Variants in TMTC2 observed in about 807,000 individuals in gnomAD.
TMTC2 encodes the protein transmembrane O-mannosyltransferase targeting cadherins 2.
A neutral mutation model predicts 82.4 loss-of-function variants in TMTC2; 43 were observed. That is an observed-to-expected ratio of 0.52 (90% CI 0.41 to 0.67). TMTC2 has a LOEUF of 0.67. Among genes scored for constraint, TMTC2 ranks in the 30% least tolerant of loss-of-function variants. The probability of loss-of-function intolerance (pLI) is 0.00; values close to 1 mark genes in which losing one functional copy is unlikely to be tolerated. For synonymous variants in TMTC2, 408 were observed against 381.9 expected (o/e 1.07, Z -0.80); for missense variants, 919 against 1,012.4 (o/e 0.91, Z 1.25).
At position 82,687,352 on chromosome 12, in the gene TMTC2, T is replaced by G; in HGVS notation, c.-235T>G. 5.4e-5 allele frequency: 29 copies of G among 534,308 alleles called. No individual in the cohort carries two copies. The highest frequency in any genetic ancestry group is 1.3e-4 in the East Asian group (4 of 30,154). The allele number at this position is 534,308 out of a possible 1,614,324, so 33.1% of individuals were successfully genotyped here. ...GCTCACCGCTTGCGGGCGCCGGGCATGGGGAGTGTGGTGTGAGCCCGCACC... is the reference window on the plus strand; with the variant it reads ...GCTCACCGCTTGCGGGCGCCGGGCAGGGGGAGTGTGGTGTGAGCCCGCACC... On this transcript the variant is annotated 5_prime_UTR_variant, in exon 1 of 12. The change abolishes an upstream ATG in the 5' untranslated region. Coordinates refer to ENST00000321196, the MANE Select transcript of TMTC2 (RefSeq NM_152588.3).
chr12:82,781,702 GTT>G (rs1251785252), intron 1 of TMTC2, among the ~76,000 whole-genome samples: 15 of 126,180 alleles, frequency 1.2e-4, no homozygotes, highest in East Asian at 4.6e-4. Context: ...TATTATTATT[GTT>G]TTTTTTTTTT....
chr12:83,084,834 G>A (rs1883596726), intron 11 of TMTC2, among the ~76,000 whole-genome samples: 1 of 152,186 alleles, frequency 6.6e-6, no homozygotes, highest in Admixed American at 6.5e-5. Flanking sequence ...CAGTGATTTT[G>A]TGTCAACCAT....
intron 1 of TMTC2, among the ~76,000 whole-genome samples, chr12:82,798,378 T>A (rs1159588716): frequency 6.8e-6 from 1 of 147,086 alleles, no homozygotes; most frequent in African/African-American, 2.5e-5. Flanking sequence ...GCGCCTGTAG[T>A]CCCAGCTACT....
chr12:82,845,445 C>A (rs1180212752), intron 1 of TMTC2, among the ~76,000 whole-genome samples: 1 of 151,470 alleles, frequency 6.6e-6, no homozygotes, highest in African/African-American at 2.4e-5. Context: ...AACAAATGGA[C>A]TAAAGTGGTT....
chr12:82,880,304 T>C (rs1325134670), intron 2 of TMTC2, among the ~76,000 whole-genome samples: 1 of 152,244 alleles, frequency 6.6e-6, no homozygotes, highest in East Asian at 1.9e-4. Context: ...CTGTAATTTT[T>C]ATTACTATCT....
intron 1 of TMTC2, among the ~76,000 whole-genome samples, chr12:82,744,628 A>G (rs942863388): frequency 1.3e-5 from 2 of 151,726 alleles, no homozygotes; most frequent in Non-Finnish European, 2.9e-5. Flanking sequence ...ACAGGGACAC[A>G]TCTGCCAGTT....
rs528076999 is a variant in TMTC2, at chr12:83,004,722, A to AT, written c.2070+18721dup. 4.2e-3 allele frequency among the ~76,000 whole-genome samples: 152 copies of AT among 36,030 alleles called. 43 individuals carry two copies. The highest frequency in any genetic ancestry group is 5.6e-3 in the Non-Finnish European group (107 of 18,962). 23.6% of individuals were successfully genotyped at this position (36,030 alleles called of 152,430 possible). A position where few individuals can be genotyped will look rare whatever the true frequency, so the allele number is the denominator to read the frequency against. ...TTCACAGGCAGTGTATACTGGCCGA[A>AT]TTTTTTTTTTTTTTTTTTTTTTTTT... On this transcript the variant is annotated intron_variant, in intron 8 of 11. Coordinates refer to ENST00000321196, the MANE Select transcript of TMTC2 (RefSeq NM_152588.3).
At chr12:83,114,308 A>G (rs1193023699) in intron 11 of TMTC2, among the ~76,000 whole-genome samples, 1 of 152,078 alleles carries the variant, frequency 6.6e-6, no homozygotes, top group African/African-American at 2.4e-5. Flanking sequence ...CTCTGCCTGC[A>G]CACACCAAGG....
intron 1 of TMTC2, among the ~76,000 whole-genome samples, chr12:82,782,584 C>T (rs1877960654): frequency 6.6e-6 from 1 of 152,158 alleles, no homozygotes; most frequent in African/African-American, 2.4e-5. Flanking sequence ...AGTCAAAGAT[C>T]TCACTCATGA....
In TMTC2 at chr12:82,911,220, G is replaced by T. The variant is rs1190250573; in HGVS notation, c.1483+14574G>T. Among the ~76,000 whole-genome samples the T allele has an allele frequency of 2.0e-5, 3 of 152,142 alleles. No individual in the cohort carries two copies. The South Asian group carries it at 6.2e-4, about 32-fold the overall frequency. Reference sequence around the variant, plus strand: ...CAGCCCCAGGGTTTGGGTGTGGGGGGGCCAGGGTGGTCTTGGAAAATGCAA... The same window carrying T: ...CAGCCCCAGGGTTTGGGTGTGGGGGTGCCAGGGTGGTCTTGGAAAATGCAA... On this transcript the variant is annotated intron_variant, in intron 3 of 11. Transcript: ENST00000321196.
At chr12:82,876,130 A>ATGGTGGTGG (rs575160141) in intron 2 of TMTC2, among the ~76,000 whole-genome samples, 2,465 of 111,306 alleles carry the variant, frequency 0.022, 23 homozygotes, top group Non-Finnish European at 0.035. Flanking sequence ...GGTATTAGTA[A>ATGGTGGTGG]TGGTGGTGGT....
chr12:82,974,282 A>T (rs1299558440), intron 7 of TMTC2, among the ~76,000 whole-genome samples: 1 of 152,238 alleles, frequency 6.6e-6, no homozygotes, highest in Non-Finnish European at 1.5e-5. Flanking sequence ...TATGTATTGT[A>T]ATCTTTAATT....
chr12:82,922,042 G>C (rs1052313763), intron 3 of TMTC2, among the ~76,000 whole-genome samples: 1 of 152,078 alleles, frequency 6.6e-6, no homozygotes, highest in African/African-American at 2.4e-5. Context: ...AAGAGGTTGA[G>C]GCTGCACTGA....
intron 1 of TMTC2, among the ~76,000 whole-genome samples, chr12:82,837,435 C>T (rs138432637): frequency 2.0e-4 from 30 of 152,236 alleles, no homozygotes; most frequent in African/African-American, 7.2e-4. Context: ...TAATGAGACC[C>T]TGTCTCTAAA....
chr12:82,770,076 C>T (rs7304712), intron 1 of TMTC2, among the ~76,000 whole-genome samples: 2,448 of 152,178 alleles, frequency 0.016, 66 homozygotes, highest in African/African-American at 0.056. Flanking sequence ...TGTGTGGGTG[C>T]GAATTCCCAT....
chr12:83,028,776 A>G (rs890816658), intron 8 of TMTC2, among the ~76,000 whole-genome samples: 1 of 152,166 alleles, frequency 6.6e-6, no homozygotes, highest in Non-Finnish European at 1.5e-5. Context: ...CAGTTACTAA[A>G]TCATTTAGAG....
At chr12:82,727,176 G>T (rs956969933) in intron 1 of TMTC2, among the ~76,000 whole-genome samples, 2 of 151,284 alleles carry the variant, frequency 1.3e-5, no homozygotes, top group Non-Finnish European at 2.9e-5. Context: ...TAGAAAAGAA[G>T]AATAATTAAG....
chr12:82,960,694 A>AGTACCTGG (rs1293338415), intron 4 of TMTC2, among the ~76,000 whole-genome samples: 3 of 152,046 alleles, frequency 2.0e-5, no homozygotes, highest in Admixed American at 2.0e-4. Context: ...TACTATGCTC[A>AGTACCTGG]GTACCTGGGT....
chr12:82,939,533 G>A (rs1034395493), intron 4 of TMTC2, among the ~76,000 whole-genome samples: 4 of 151,716 alleles, frequency 2.6e-5, no homozygotes, highest in Non-Finnish European at 5.9e-5. Context: ...TTATTTTTTT[G>A]TATTAAGGTA....
Sources: allele counts gnomAD v4.1 joint callset (sites outside exome capture counted in the v4.1 genomes callset), GRCh38; gene constraint gnomAD v4.1.1; transcripts MANE v1.5; gene names NCBI Gene and HGNC (gene_info 2026-07-23, HGNC 2026-07-21).